ANKRD11: variants seen among roughly 807,000 people sequenced by gnomAD.
The protein encoded by ANKRD11 is ankyrin repeat domain-containing protein 11.
In ANKRD11, 17 loss-of-function variants were observed where a neutral mutation model predicts 195.7. The ratio of observed to expected loss-of-function variants is 0.09; its 90% CI spans 0.06 to 0.13. The LOEUF is 0.13. Among genes scored for constraint, ANKRD11 ranks in the 10% least tolerant of loss-of-function variants. ANKRD11 has a pLI of 1.00. For synonymous variants in ANKRD11, 1,953 were observed against 1,528.1 expected, an observed-to-expected ratio of 1.28 and a Z score of -6.49; for missense variants, 3,735 against 3,566.1, an observed-to-expected ratio of 1.05 and a Z score of -1.21.
At position 89,281,090 on chromosome 16, in the gene ANKRD11, C is replaced by G; in HGVS notation, c.5452G>C (p.Ala1818Pro). ...GGCATGGGAGAGTCGTAGCTGGAGG[C>G]AGCAGGAACGCTCTGCTGCCTGAAG... ...KLFRQQSVPA[A>P]SSYDSPMPPS... Residue 1818 changes from alanine to proline, a missense_variant, in exon 9 of 13, where the codon GCC (alanine) becomes CCC (proline). Ala to Pro is a conservative substitution (Grantham distance 27). Coordinates refer to ENST00000301030, the MANE Select transcript of ANKRD11 (RefSeq NM_013275.6). This position sits in a 1 kb window ranked among gnomAD's most constrained non-coding sequence, Gnocchi z 5.5. 6.2e-7 allele frequency: 1 copy of G among 1,609,522 alleles called. No individual in the cohort carries two copies. Among genetic ancestry groups the G allele is most frequent in the East Asian group, 2.2e-5 (1 of 44,742 alleles).
intron 2 of ANKRD11, among the ~76,000 whole-genome samples, chr16:89,415,846 A>AAAAAAAAAAAAAAT (rs1448507066): frequency 6.8e-6 from 1 of 146,378 alleles, no homozygotes; most frequent in African/African-American, 2.5e-5. Context: ...AAAAAAAAAA[A>AAAAAAAAAAAAAAT]AAAACAATGG....
chr16:89,470,980 G>A (rs994925204), intron 1 of ANKRD11, among the ~76,000 whole-genome samples: 6 of 152,002 alleles, frequency 3.9e-5, no homozygotes, highest in African/African-American at 9.7e-5. Context: ...GCGACAGAGC[G>A]AGACTCTGTC....
chr16:89,285,969 G>A lies in ANKRD11; in HGVS notation c.892+70C>T. On this transcript the variant is annotated intron_variant, in intron 8 of 12. Transcript: ENST00000301030. This position sits in a 1 kb window ranked among gnomAD's most constrained non-coding sequence, Gnocchi z 5.6. ...GAGCTGATCAGAGGGGCAACACTGT[G>A]CAAACACCACAGGGCAGCTCCTACC... 6.2e-7 allele frequency: 1 copy of A among 1,609,794 alleles called. No individual in the cohort carries two copies. The highest frequency in any genetic ancestry group is 1.1e-5 in the South Asian group (1 of 90,914).
At chr16:89,308,128 AG>A (rs1173196937) in intron 3 of ANKRD11, among the ~76,000 whole-genome samples, 2 of 152,252 alleles carry the variant, frequency 1.3e-5, no homozygotes, top group African/African-American at 4.8e-5. Context: ...GAACCTGATG[AG>A]GGCATTCTAT....
At chr16:89,426,709 C>G (rs1433994587) in intron 1 of ANKRD11, among the ~76,000 whole-genome samples, 1 of 152,152 alleles carries the variant, frequency 6.6e-6, no homozygotes, top group Non-Finnish European at 1.5e-5. Flanking sequence ...TGGCAAAACT[C>G]AAAAGGAAAC....
chr16:89,456,375 C>CTT, intron 1 of ANKRD11, among the ~76,000 whole-genome samples: 1 of 151,586 alleles, frequency 6.6e-6, no homozygotes, highest in Non-Finnish European at 1.5e-5. Flanking sequence ...ATGGAAAAAC[C>CTT]CTGTCTCTAC....
chr16:89,285,947 C>G lies in ANKRD11; in HGVS notation c.892+92G>C, dbSNP rs561826999. On this transcript the variant is annotated intron_variant, in intron 8 of 12. Transcript: ENST00000301030. The surrounding 1 kb of genome is among the most constrained non-coding windows in gnomAD (Gnocchi z 5.6). Reference sequence around the variant, plus strand: ...TAAGCCCCCAGCATCCGAGGAGGAGCTGATCAGAGGGGCAACACTGTGCAA... The same window carrying G: ...TAAGCCCCCAGCATCCGAGGAGGAGGTGATCAGAGGGGCAACACTGTGCAA... 5 of 1,594,186 alleles carry G rather than the reference C, an allele frequency of 3.1e-6. No individual in the cohort carries two copies. The highest frequency in any genetic ancestry group is 4.3e-6 in the Non-Finnish European group (5 of 1,166,488).
chr16:89,297,818 G>C (rs564221775), intron 4 of ANKRD11: 2 of 152,310 alleles, frequency 1.3e-5, no homozygotes, highest in South Asian at 4.1e-4. Flanking sequence ...GTCAGTTACC[G>C]TCATTGATCA....
chr16:89,467,386 G>A (rs1000021191), intron 1 of ANKRD11, among the ~76,000 whole-genome samples: 1 of 152,180 alleles, frequency 6.6e-6, no homozygotes, highest in South Asian at 2.1e-4. Flanking sequence ...AGGCTGCAGT[G>A]AGCTGTGATG....
At chr16:89,439,328 T>TA (rs1355652554) in intron 1 of ANKRD11, among the ~76,000 whole-genome samples, 1 of 152,174 alleles carries the variant, frequency 6.6e-6, no homozygotes, top group Non-Finnish European at 1.5e-5. Context: ...CAGACAACAC[T>TA]AAATTAATGA....
intron 2 of ANKRD11, among the ~76,000 whole-genome samples, chr16:89,396,467 G>A (rs376251512): frequency 1.2e-4 from 18 of 152,082 alleles, no homozygotes; most frequent in African/African-American, 2.4e-4. Context: ...TTTTGGTGTC[G>A]TATCAATGAA....
At chr16:89,464,282 T>C (rs751821133) in intron 1 of ANKRD11, among the ~76,000 whole-genome samples, 1 of 150,308 alleles carries the variant, frequency 6.7e-6, no homozygotes, top group African/African-American at 2.4e-5. Flanking sequence ...AACCCTCTTA[T>C]CTAAAATTTC....
intron 4 of ANKRD11, chr16:89,300,985 C>A (rs772037933): frequency 3.1e-6 from 2 of 653,488 alleles, no homozygotes; most frequent in Admixed American, 4.8e-5. Flanking sequence ...AAGCGAGACT[C>A]AGGGTCACAG....
chr16:89,439,680 CACA>C (rs1380273396), intron 1 of ANKRD11, among the ~76,000 whole-genome samples: 1 of 152,234 alleles, frequency 6.6e-6, no homozygotes, highest in Non-Finnish European at 1.5e-5. Context: ...ACCACTCACA[CACA>C]ACACCAAAGG....
At chr16:89,406,855 G>A (rs1029697741) in intron 2 of ANKRD11, among the ~76,000 whole-genome samples, 3 of 152,184 alleles carry the variant, frequency 2.0e-5, no homozygotes, top group Non-Finnish European at 4.4e-5. Context: ...AGGGGAAAAG[G>A]AAAAGGGAAC....
At chr16:89,442,768 G>A (rs1001805398) in intron 1 of ANKRD11, among the ~76,000 whole-genome samples, 30 of 152,050 alleles carry the variant, frequency 2.0e-4, no homozygotes, top group African/African-American at 3.4e-4. Context: ...CCTGCTCCCC[G>A]GTGGCAGGAA....
At chr16:89,353,733 G>T (rs966924139) in intron 2 of ANKRD11, among the ~76,000 whole-genome samples, 1 of 152,168 alleles carries the variant, frequency 6.6e-6, no homozygotes, top group Non-Finnish European at 1.5e-5. Context: ...GCCTGCCTGG[G>T]CCTCCCAAAG....
intron 2 of ANKRD11, among the ~76,000 whole-genome samples, chr16:89,380,713 C>G: frequency 6.6e-6 from 1 of 152,218 alleles, no homozygotes; most frequent in East Asian, 1.9e-4. Context: ...TGCCTGCTTT[C>G]CAGGGAAGAG....
At chr16:89,335,573 C>T (rs1033707127) in intron 2 of ANKRD11, among the ~76,000 whole-genome samples, 2 of 152,238 alleles carry the variant, frequency 1.3e-5, no homozygotes, top group Non-Finnish European at 2.9e-5. Flanking sequence ...TGTAGCAGAA[C>T]AGCGAGTGAC....
Sources: allele counts gnomAD v4.1 joint callset (sites outside exome capture counted in the v4.1 genomes callset), GRCh38; gene constraint gnomAD v4.1.1; non-coding constraint Gnocchi (gnomAD v3.1); transcripts MANE v1.5; gene names NCBI Gene and HGNC (gene_info 2026-07-23, HGNC 2026-07-21).